Variants in ACVR1 observed in about 807,000 individuals in gnomAD.
ACVR1 encodes the protein activin receptor type-1.
ACVR1 carries 38 observed loss-of-function variants against 57.1 expected under a neutral mutation model. The observed-to-expected ratio is 0.67, with a 90% CI of 0.51 to 0.87. ACVR1 has a LOEUF of 0.87. ACVR1 is among the 40% of genes least tolerant of loss of function. The probability of loss-of-function intolerance (pLI) is 0.00; values close to 1 mark genes in which losing one functional copy is unlikely to be tolerated. For missense variants in ACVR1, 463 were observed against 638.2 expected (o/e 0.73, Z 2.96); for synonymous variants, 212 against 228.1 (o/e 0.93, Z 0.63).
chr2:157,870,190 T>C (rs184585494), intron 1 of ACVR1, among the ~76,000 whole-genome samples: 121 of 152,262 alleles, frequency 7.9e-4, no homozygotes, highest in African/African-American at 2.6e-3. Context: ...TCAAGTATCG[T>C]CCCATTTCTA....
intron 2 of ACVR1, among the ~76,000 whole-genome samples, chr2:157,812,071 T>G (rs1687770730): frequency 1.3e-5 from 2 of 152,218 alleles, no homozygotes; most frequent in African/African-American, 4.8e-5. Flanking sequence ...AGTATCAGAA[T>G]GAACTCATGA....
In ACVR1 at chr2:157,761,006, G is replaced by A. The variant is rs984482376; in HGVS notation, c.1138C>T (p.Arg380Cys). 6.2e-7 allele frequency: 1 copy of A among 1,614,110 alleles called. No individual in the cohort carries two copies. The highest frequency in any genetic ancestry group is 8.5e-7 in the Non-Finnish European group (1 of 1,180,010). ...TCTAGAACTTCGGGGGCCATGTAGC[G>A]CTTGGTGCCCACACGGGGATTGTTC... ...VGNNPRVGTK[R>C]YMAPEVLDET... Residue 380 changes from arginine to cysteine, a missense_variant, in exon 9 of 11, where the codon CGC (arginine) becomes TGC (cysteine). Physicochemically the swap from Arg to Cys is radical, Grantham distance 180. Around this residue, in one of 3 missense-constraint regions of ACVR1, gnomAD observed 146 missense variants for 186.6 expected, o/e 0.78. Coordinates refer to ENST00000434821, the MANE Select transcript of ACVR1 (RefSeq NM_001111067.4).
chr2:157,770,298 C>T (rs769285994), intron 7 of ACVR1, 70 bp downstream of exon 7: 72 of 1,567,852 alleles, frequency 4.6e-5, no homozygotes, highest in Non-Finnish European at 5.8e-5. Context: ...TTCACCAAAA[C>T]GGAGAGAGCA....
At chr2:157,832,929 C>G (rs1373182478) in intron 1 of ACVR1, among the ~76,000 whole-genome samples, 1 of 152,138 alleles carries the variant, frequency 6.6e-6, no homozygotes, top group African/African-American at 2.4e-5. Context: ...ATCAATAACC[C>G]AAATTCCCAG....
chr2:157,853,492 G>C (rs1370369598), intron 1 of ACVR1, among the ~76,000 whole-genome samples: 2 of 152,186 alleles, frequency 1.3e-5, no homozygotes, highest in African/African-American at 4.8e-5. Context: ...ATCACACTGA[G>C]GGTCAGGGTT....
chr2:157,810,461 G>A (rs1481025134), intron 2 of ACVR1, among the ~76,000 whole-genome samples: 2 of 152,196 alleles, frequency 1.3e-5, no homozygotes, highest in African/African-American at 2.4e-5. Flanking sequence ...AACTTGAGAA[G>A]GAAAGGCACT....
chr2:157,872,947 A>AT (rs1690159384), intron 1 of ACVR1, among the ~76,000 whole-genome samples: 1 of 152,138 alleles, frequency 6.6e-6, no homozygotes. Flanking sequence ...CCACATAATC[A>AT]TTATTCTGAA....
In ACVR1 at chr2:157,766,659, A is replaced by G. The variant is rs150748737; in HGVS notation, c.791-463T>C. 1.0e-3 allele frequency among the ~76,000 whole-genome samples: 152 copies of G among 152,326 alleles called. 1 individual carries two copies. The highest frequency in any genetic ancestry group is 6.8e-3 in the Middle Eastern group (2 of 294). On this transcript the variant is annotated intron_variant, in intron 7 of 10. Transcript: ENST00000434821. ...GCAACTCAGTTAGGCTCCTTAGCCT[A>G]TATCTGCTCAGATGTAAAATAAAGG... is the stretch of plus-strand genomic sequence containing the variant.
chr2:157,870,878 T>G (rs1248337061), intron 1 of ACVR1, among the ~76,000 whole-genome samples: 2 of 152,322 alleles, frequency 1.3e-5, no homozygotes, highest in East Asian at 1.9e-4. Flanking sequence ...GTCCCCACTT[T>G]CCAAACTCAT....
intron 1 of ACVR1, among the ~76,000 whole-genome samples, chr2:157,833,678 T>C (rs1340880415): frequency 6.6e-6 from 1 of 152,132 alleles, no homozygotes; most frequent in East Asian, 1.9e-4. Flanking sequence ...TTCATAAACA[T>C]TTGTCTACCT....
At chr2:157,824,934 T>C (rs1190153758) in intron 1 of ACVR1, among the ~76,000 whole-genome samples, 1 of 152,082 alleles carries the variant, frequency 6.6e-6, no homozygotes, top group Non-Finnish European at 1.5e-5. Context: ...TTGGTGGAGA[T>C]GGGGTTTTGC....
At chr2:157,778,059 C>A in intron 5 of ACVR1, 72 bp downstream of exon 5, 1 of 1,525,430 alleles carries the variant, frequency 6.6e-7, no homozygotes, top group Non-Finnish European at 9.1e-7. Context: ...GTTAGCGTTT[C>A]ATGCTCGAAA....
At chr2:157,745,974 A>G (rs1192013267) in intron 9 of ACVR1, among the ~76,000 whole-genome samples, 1 of 152,198 alleles carries the variant, frequency 6.6e-6, no homozygotes, top group Non-Finnish European at 1.5e-5. Context: ...ACCCCATAAG[A>G]GGCACAACTT....
At chr2:157,755,568 C>T (rs1049800499) in intron 9 of ACVR1, among the ~76,000 whole-genome samples, 1 of 141,264 alleles carries the variant, frequency 7.1e-6, no homozygotes, top group Admixed American at 7.0e-5. Context: ...CATACCATAC[C>T]GTACCATACA....
intron 5 of ACVR1, among the ~76,000 whole-genome samples, chr2:157,775,559 C>T (rs971813987): frequency 6.6e-6 from 1 of 152,104 alleles, no homozygotes; most frequent in Non-Finnish European, 1.5e-5. Context: ...TGTTGATCGG[C>T]AAAATTACCA....
At chr2:157,858,812 T>A (rs941398897) in intron 1 of ACVR1, among the ~76,000 whole-genome samples, 3 of 151,886 alleles carry the variant, frequency 2.0e-5, no homozygotes, top group Admixed American at 6.6e-5. Flanking sequence ...AGAGACAGGG[T>A]CTTACTATGT....
rs143360887 is a variant in ACVR1 at position 157,847,146 on chromosome 2, T to C, written c.-182-28587A>G. On this transcript the variant is annotated intron_variant, in intron 1 of 10. Coordinates refer to ENST00000434821, the MANE Select transcript of ACVR1 (RefSeq NM_001111067.4). Reference sequence around the variant, plus strand: ...ATCTTTCAAAAAATTTTAATACCTATTTTACATTTGAACTTATTATACACA... The same window carrying C: ...ATCTTTCAAAAAATTTTAATACCTACTTTACATTTGAACTTATTATACACA... 5.6e-3 allele frequency among the ~76,000 whole-genome samples: 850 copies of C among 152,326 alleles called. 11 individuals carry two copies. Among genetic ancestry groups the C allele is most frequent in the African/African-American group, 0.019 (806 of 41,570 alleles).
chr2:157,781,950 T>G (rs2105283443), intron 3 of ACVR1, among the ~76,000 whole-genome samples: 1 of 152,270 alleles, frequency 6.6e-6, no homozygotes, highest in East Asian at 1.9e-4. Context: ...CAAAGGTCTA[T>G]GGCACATAGA....
chr2:157,863,238 C>G (rs1689787280), intron 1 of ACVR1, among the ~76,000 whole-genome samples: 1 of 148,836 alleles, frequency 6.7e-6, no homozygotes, highest in African/African-American at 2.5e-5. Context: ...GTCTCGAATT[C>G]CTGACCTCAG....
Sources: allele counts gnomAD v4.1 joint callset (sites outside exome capture counted in the v4.1 genomes callset), GRCh38; gene constraint gnomAD v4.1.1; regional missense constraint gnomAD v4.1.1; transcripts MANE v1.5; gene names NCBI Gene and HGNC (gene_info 2026-07-23, HGNC 2026-07-21).